TRPM1: variants seen among roughly 807,000 people sequenced by gnomAD.
TRPM1 encodes TRPM1-203 APA Isoform, Intron 10.
In TRPM1, 113 loss-of-function variants were observed where a neutral mutation model predicts 149.4. The observed-to-expected ratio is 0.76, with a 90% confidence interval of 0.65 to 0.88. TRPM1 has a LOEUF of 0.88. Among genes scored for constraint, TRPM1 ranks in the 40% least tolerant of loss-of-function variants. TRPM1 has a pLI of 0.00. For synonymous variants in TRPM1, 741 were observed against 759.5 expected (o/e 0.98, Z 0.40); for missense variants, 1,976 against 2,038.7 (o/e 0.97, Z 0.59).
At chr15:31,087,231 ATTT>A (rs58872566) in intron 1 of TRPM1, among the ~76,000 whole-genome samples, 31 of 59,440 alleles carry the variant, frequency 5.2e-4, no homozygotes, top group African/African-American at 2.1e-3. Flanking sequence ...CTCAATAGGG[ATTT>A]TTTTTTTTTT....
rs1030786792 is a variant in TRPM1 at position 31,035,769 on chromosome 15, G to A, written c.2572-95C>T. The stretch of plus-strand genomic sequence containing the variant: ...TTCTTTCAGGTTGACACATCTAAAA[G>A]AATCTTTGTTTCCAACTGGACTGAC... On this transcript the variant is annotated intron_variant, in intron 20 of 27. Coordinates refer to ENST00000256552, the MANE Select transcript of TRPM1 (RefSeq NM_001252024.2). The A allele has an allele frequency of 2.6e-6, 4 of 1,568,344 alleles. No homozygotes were observed. In the African/African-American group the frequency reaches 5.4e-5, roughly 21 times the overall value.
intron 1 of TRPM1, among the ~76,000 whole-genome samples, chr15:31,094,268 A>G (rs538145264): frequency 7.9e-5 from 12 of 152,354 alleles, no homozygotes; most frequent in African/African-American, 2.6e-4. Context: ...AAAAGAAAAT[A>G]TATGTGTGAA....
At chr15:31,039,970 T>A (rs2033556135) in intron 18 of TRPM1, 148 bp downstream of exon 18, 6 of 746,778 alleles carry the variant, frequency 8.0e-6, no homozygotes, top group Non-Finnish European at 1.4e-5. Context: ...AGATTCCTCA[T>A]CTATAAGACA....
rs139128285 is a variant in TRPM1 at position 31,121,622 on chromosome 15, A to G, written c.54+39284T>C. Among the ~76,000 whole-genome samples, 547 of 152,352 alleles carry G rather than the reference A, an allele frequency of 3.6e-3. 1 individual carries two copies. The highest frequency in any genetic ancestry group is 6.9e-3 in the Admixed American group (106 of 15,304). On this transcript the variant is annotated intron_variant, in intron 1 of 26. Transcript: ENST00000542188. ...CACACAATCTTTCAAAACTCATACAATGAGAAATAGGTCGCCTGAATAGGC... is the reference window on the plus strand; with the variant it reads ...CACACAATCTTTCAAAACTCATACAGTGAGAAATAGGTCGCCTGAATAGGC...
chr15:31,135,610 T>G (rs1688863388), intron 1 of TRPM1, among the ~76,000 whole-genome samples: 1 of 152,078 alleles, frequency 6.6e-6, no homozygotes. Context: ...ATCTCCAGTG[T>G]TGGAGGTGGG....
At position 31,032,853 on chromosome 15, in the gene TRPM1, A is replaced by G; in HGVS notation, c.2788T>C (p.Ser930Pro). Residue 930 changes from serine to proline, a missense_variant, in exon 22 of 28, where the codon TCC becomes CCC. Physicochemically the swap from Ser to Pro is moderately conservative, Grantham distance 74. This residue lies in a region of TRPM1 where 1,332 missense variants were observed against 1,347.1 expected (regional missense o/e 0.99). Coordinates refer to ENST00000256552, the MANE Select transcript of TRPM1 (RefSeq NM_001252024.2). ...AGAATTGCTCCAATCATGAATGTGG[A>G]AATGGCCACGAGATCTGTGATGTTC... The part of the protein sequence containing the change: ...YWNITDLVAI[S>P]TFMIGAILRL... The G allele has an allele frequency of 6.2e-7, 1 of 1,614,236 alleles. No individual in the cohort carries two copies. Among genetic ancestry groups the G allele is most frequent in the Non-Finnish European group, 8.5e-7 (1 of 1,180,038 alleles).
chr15:31,071,666 TC>T lies in TRPM1; in HGVS notation c.84-1441del, dbSNP rs577327433. On this transcript the variant is annotated intron_variant, in intron 3 of 27. Transcript: ENST00000256552. ...TCATGTAATACATAATCAACCCATTTCAAGTATGTGATTCAGGCCAGGAGCA... is the reference window on the plus strand; with the variant it reads ...TCATGTAATACATAATCAACCCATTTAAGTATGTGATTCAGGCCAGGAGCA... Among the ~76,000 whole-genome samples, 7 of 152,180 alleles carry T rather than the reference TC, an allele frequency of 4.6e-5. No homozygotes were observed. In the South Asian group the frequency reaches 1.5e-3, roughly 32 times the overall value.
At chr15:31,063,321 C>G (rs918783814) in intron 7 of TRPM1, 29 bp from the exon 8 acceptor site, 13 of 1,614,098 alleles carry the variant, frequency 8.1e-6, no homozygotes, top group Non-Finnish European at 1.0e-5. Flanking sequence ...TCGCCCATAC[C>G]ACCTGTGCCC....
At chr15:31,010,471 G>T (rs2032144002) in intron 27 of TRPM1, among the ~76,000 whole-genome samples, 1 of 151,994 alleles carries the variant, frequency 6.6e-6, no homozygotes, top group Non-Finnish European at 1.5e-5. Flanking sequence ...GGTATATTGT[G>T]TTTTCATTTT....
intron 1 of TRPM1, among the ~76,000 whole-genome samples, chr15:31,144,264 C>T (rs575553324): frequency 2.1e-4 from 32 of 152,202 alleles, no homozygotes; most frequent in African/African-American, 7.5e-4. Flanking sequence ...TGGCAAAACC[C>T]GTCTCTACAA....
intron 1 of TRPM1, among the ~76,000 whole-genome samples, chr15:31,127,270 C>T (rs1222609674): frequency 6.6e-6 from 1 of 152,190 alleles, no homozygotes; most frequent in Non-Finnish European, 1.5e-5. Context: ...TCATTCTCTG[C>T]TACTTGGGGC....
chr15:31,117,669 C>T (rs201839072), intron 1 of TRPM1, among the ~76,000 whole-genome samples: 1 of 34,580 alleles, frequency 2.9e-5, no homozygotes, highest in Non-Finnish European at 5.7e-5. Flanking sequence ...AAAAAATACA[C>T]ACACACACAC....
At chr15:31,108,481 G>T (rs2035639099) in intron 1 of TRPM1, among the ~76,000 whole-genome samples, 1 of 152,048 alleles carries the variant, frequency 6.6e-6, no homozygotes, top group African/African-American at 2.4e-5. Context: ...CATTTTTCTA[G>T]AGACTCTTTT....
intron 11 of TRPM1, among the ~76,000 whole-genome samples, chr15:31,054,553 C>T (rs2034034709): frequency 6.6e-6 from 1 of 152,184 alleles, no homozygotes; most frequent in Non-Finnish European, 1.5e-5. Context: ...CCTCAGCCTT[C>T]CAAAGTGCTG....
intron 1 of TRPM1, among the ~76,000 whole-genome samples, chr15:31,091,812 CTT>C (rs568355202): frequency 1.8e-4 from 27 of 152,296 alleles, no homozygotes; most frequent in Non-Finnish European, 3.4e-4. Context: ...GCTTGTAAAA[CTT>C]GGGAGGATTA....
chr15:31,024,127 C>A (rs781083237), intron 27 of TRPM1, among the ~76,000 whole-genome samples: 1 of 152,052 alleles, frequency 6.6e-6, no homozygotes, highest in African/African-American at 2.4e-5. Context: ...TGCTCCTAAC[C>A]AGACCCTACA....
intron 1 of TRPM1, among the ~76,000 whole-genome samples, chr15:31,117,214 G>C (rs554565247): frequency 6.6e-6 from 1 of 152,126 alleles, no homozygotes; most frequent in Admixed American, 6.5e-5. Flanking sequence ...GGCCGGGCAT[G>C]GTGGCTCATG....
Position 31,042,193 on chromosome 15 carries a change from C to G in TRPM1, c.1845G>C (p.Glu615Asp). ...KGKKKKKKKK[E>D]EEIDIDVDDP... The stretch of plus-strand genomic sequence containing the variant: ...CGTCCACATCAATGTCGATCTCTTC[C>G]TCCTTTTTCTTCTTTTTCTTTTTCT... Residue 615 changes from glutamate (E) to aspartate (D), a missense_variant, in exon 17 of 28, where the codon GAG (glutamate) becomes GAC (aspartate). By Grantham distance (45) the Glu-to-Asp change is conservative. Coordinates refer to ENST00000256552, the MANE Select transcript of TRPM1 (RefSeq NM_001252024.2). The G allele has an allele frequency of 6.2e-7, 1 of 1,612,472 alleles. No individual in the cohort carries two copies. Among genetic ancestry groups the G allele is most frequent in the Non-Finnish European group, 8.5e-7 (1 of 1,179,168 alleles).
chr15:31,011,366 TG>T (rs1468732359), intron 27 of TRPM1, among the ~76,000 whole-genome samples: 3 of 152,162 alleles, frequency 2.0e-5, no homozygotes, highest in Admixed American at 2.0e-4. Flanking sequence ...CCATCATTAC[TG>T]CTTTCTTCTG....
Sources: allele counts gnomAD v4.1 joint callset (sites outside exome capture counted in the v4.1 genomes callset), GRCh38; gene constraint gnomAD v4.1.1; regional missense constraint gnomAD v4.1.1; transcripts MANE v1.5; gene names NCBI Gene and HGNC (gene_info 2026-07-23, HGNC 2026-07-21).